UBAC2: variants seen among roughly 807,000 people sequenced by gnomAD.
UBAC2 encodes UBA domain containing 2, also known as ubiquitin-associated domain-containing protein 2.
Under a neutral mutation model 44.0 loss-of-function variants are expected in UBAC2, and 26 were observed. The ratio of observed to expected loss-of-function variants is 0.59; its 90% CI spans 0.43 to 0.82. The LOEUF (loss-of-function observed/expected upper bound fraction) is 0.82. UBAC2 is among the 40% of genes least tolerant of loss of function. The pLI is 0.00. For synonymous variants in UBAC2, 155 were observed against 154.3 expected (o/e 1.00, Z -0.04); for missense variants, 329 against 419.4 (o/e 0.78, Z 1.88).
Position 99,385,250 on chromosome 13 carries a change from G to T in UBAC2, c.950G>T (p.Gly317Val). The T allele has an allele frequency of 6.2e-7, 1 of 1,614,160 alleles. No homozygotes were observed. Among genetic ancestry groups the T allele is most frequent in the Non-Finnish European group, 8.5e-7 (1 of 1,180,020 alleles). Residue 317 changes from glycine (G) to valine (V), a missense_variant, in exon 9 of 9, where the codon GGA becomes GTA. Gly to Val is a moderately radical substitution (Grantham distance 109, BLOSUM62 -3). Coordinates refer to ENST00000403766, the MANE Select transcript of UBAC2 (RefSeq NM_001144072.2). ...CAGGTCGCCCGGCTCATGGAGATGG[G>T]ATTTTCCAGAGGTGATGCTTTGGAA... ...EEQVARLMEM[G>V]FSRGDALEAL...
chr13:99,319,273 C>T (rs1274043760), intron 6 of UBAC2, among the ~76,000 whole-genome samples: 1 of 152,088 alleles, frequency 6.6e-6, no homozygotes, highest in East Asian at 1.9e-4. Context: ...TTTAAACCTC[C>T]AGATTTATAA....
intron 1 of UBAC2, 28 bp from the exon 2 acceptor site, chr13:99,238,399 C>T (rs2043263739): frequency 2.5e-6 from 4 of 1,608,814 alleles, no homozygotes; most frequent in South Asian, 1.1e-5. Context: ...AACAATCATT[C>T]TGAAAGTGCT....
chr13:99,329,956 G>T (rs2138804475), intron 6 of UBAC2, among the ~76,000 whole-genome samples: 1 of 152,332 alleles, frequency 6.6e-6, no homozygotes, highest in East Asian at 1.9e-4. Flanking sequence ...AATCTTAACA[G>T]TATTGAGTTC....
chr13:99,207,224 A>G (rs1227206266), intron 1 of UBAC2, among the ~76,000 whole-genome samples: 1 of 152,226 alleles, frequency 6.6e-6, no homozygotes, highest in African/African-American at 2.4e-5. Context: ...TGTAGCACAC[A>G]GGCCTGGAAG....
chr13:99,352,788 T>TG (rs2045114739), intron 7 of UBAC2, among the ~76,000 whole-genome samples: 1 of 140,746 alleles, frequency 7.1e-6, no homozygotes, highest in African/African-American at 2.4e-5. Context: ...TGAAATGTGA[T>TG]GGTCACTCTT....
chr13:99,241,264 CAAAAAAAAAA>C (rs35336464), intron 2 of UBAC2, among the ~76,000 whole-genome samples: 1 of 114,858 alleles, frequency 8.7e-6, no homozygotes, highest in Non-Finnish European at 1.8e-5. Context: ...GACCCTGTCT[CAAAAAAAAAA>C]AAAAAAAAAG....
chr13:99,265,660 C>T (rs1399094019), intron 4 of UBAC2, among the ~76,000 whole-genome samples: 1 of 152,108 alleles, frequency 6.6e-6, no homozygotes, highest in Non-Finnish European at 1.5e-5. Context: ...AACGTTTCAG[C>T]GCATCTAGAG....
At chr13:99,313,365 A>G (rs1361702661) in intron 4 of UBAC2, 3 of 152,222 alleles carry the variant, frequency 2.0e-5, no homozygotes, top group Non-Finnish European at 4.4e-5. Context: ...ATGTTAAGAA[A>G]TGGATTAGAG....
At chr13:99,324,750 G>A (rs925207057) in intron 6 of UBAC2, among the ~76,000 whole-genome samples, 1 of 152,220 alleles carries the variant, frequency 6.6e-6, no homozygotes, top group South Asian at 2.1e-4. Context: ...TGCGTATTCA[G>A]TGGTGGCCCT....
chr13:99,215,497 A>G, intron 1 of UBAC2: 3 of 1,460,272 alleles, frequency 2.1e-6, no homozygotes, highest in Non-Finnish European at 2.9e-6. Flanking sequence ...AGCAAGTTGC[A>G]AGTGACGAGG....
intron 4 of UBAC2, among the ~76,000 whole-genome samples, chr13:99,309,186 C>A (rs1239081163): frequency 6.6e-6 from 1 of 152,006 alleles, no homozygotes; most frequent in African/African-American, 2.4e-5. Context: ...TGTCGGCTCA[C>A]TGCAACCTCC....
intron 6 of UBAC2, among the ~76,000 whole-genome samples, chr13:99,335,633 A>C (rs1334626898): frequency 9.9e-5 from 15 of 152,240 alleles, no homozygotes; most frequent in Admixed American, 9.2e-4. Flanking sequence ...ATTCCACTTT[A>C]AACACATCAG....
chr13:99,231,972 C>G (rs1323379963), intron 1 of UBAC2, among the ~76,000 whole-genome samples: 3 of 151,290 alleles, frequency 2.0e-5, no homozygotes, highest in Non-Finnish European at 2.9e-5. Context: ...TGTTGTTTTA[C>G]CAAATCATGG....
intron 4 of UBAC2, among the ~76,000 whole-genome samples, chr13:99,280,916 T>G (rs967681662): frequency 5.3e-5 from 8 of 152,126 alleles, no homozygotes; most frequent in Non-Finnish European, 1.2e-4. Flanking sequence ...CTGGGCGTGG[T>G]GGCTCACGCC....
At chr13:99,347,137 C>T (rs1393197187) in intron 7 of UBAC2, among the ~76,000 whole-genome samples, 3 of 151,542 alleles carry the variant, frequency 2.0e-5, no homozygotes, top group East Asian at 1.9e-4. Flanking sequence ...AAAAGATCTA[C>T]GGATACTCTT....
chr13:99,243,233 C>CTTTTTT (rs773750160), intron 2 of UBAC2, among the ~76,000 whole-genome samples: 178 of 94,178 alleles, frequency 1.9e-3, no homozygotes, highest in Middle Eastern at 6.8e-3. Context: ...TTGAGTAGCT[C>CTTTTTT]TTTTTTTTTT....
chr13:99,318,211 A>C, intron 6 of UBAC2, 142 bp downstream of exon 6: 2 of 852,456 alleles, frequency 2.3e-6, no homozygotes, highest in Non-Finnish European at 3.9e-6. Context: ...CTTGTTGCCC[A>C]GGCTGGAGTG....
In UBAC2 at chr13:99,295,771, C is replaced by T. The variant is rs767005016; in HGVS notation, c.390-18326C>T. 9.2e-5 allele frequency: 148 copies of T among 1,613,878 alleles called. No homozygotes were observed. The highest frequency in any genetic ancestry group is 1.2e-4 in the Non-Finnish European group (147 of 1,179,910). Reference sequence around the variant, plus strand: ...CCACAGCAATGAAGCGGTCAATACTCAGGCAGGTCATAAAGTTCACACCTG... The same window carrying T: ...CCACAGCAATGAAGCGGTCAATACTTAGGCAGGTCATAAAGTTCACACCTG... On this transcript the variant is annotated intron_variant, in intron 4 of 8. Transcript: ENST00000403766. The surrounding 1 kb of genome is among the most constrained non-coding windows in gnomAD (Gnocchi z 4.1).
chr13:99,249,812 T>A (rs1438417059), intron 4 of UBAC2, among the ~76,000 whole-genome samples: 1 of 152,002 alleles, frequency 6.6e-6, no homozygotes, highest in South Asian at 2.1e-4. Context: ...TGATTTGCAT[T>A]TCTTGATGAT....
Sources: gnomAD v4.1 joint callset for allele counts (sites outside exome capture counted in the v4.1 genomes callset) on GRCh38, gnomAD v4.1.1 for gene constraint, Gnocchi (gnomAD v3.1) non-coding constraint, MANE v1.5 for transcripts, NCBI Gene and HGNC (gene_info 2026-07-23, HGNC 2026-07-21) for gene names.